OOEP: variants seen among roughly 807,000 people sequenced by gnomAD.
OOEP encodes oocyte expressed protein, also known as oocyte-expressed protein homolog.
OOEP carries 16 observed loss-of-function variants against 13.7 expected under a neutral mutation model. The ratio of observed to expected loss-of-function variants is 1.16; its 90% confidence interval spans 0.79 to 1.77. The LOEUF (loss-of-function observed/expected upper bound fraction) is 1.77, where lower values mean the gene tolerates loss of function less well. OOEP is among the 40% of genes most tolerant of loss of function. The probability of loss-of-function intolerance (pLI) is 0.00; values close to 1 mark genes in which losing one functional copy is unlikely to be tolerated. For missense variants in OOEP, 195 were observed against 193.1 expected, an observed-to-expected ratio of 1.01 and a Z score of -0.06; for synonymous variants, 89 against 77.1, an observed-to-expected ratio of 1.15 and a Z score of -0.81.
chr6:73,372,834 C>G (rs1254759097), upstream of OOEP, among the ~76,000 whole-genome samples: 2 of 151,812 alleles, frequency 1.3e-5, no homozygotes, highest in African/African-American at 2.4e-5. Context: ...AATGGGAAAG[C>G]GGCCAGAGCA....
In OOEP at chr6:73,369,208, C is replaced by T. The variant is rs1329987850; in HGVS notation, c.368G>A (p.Arg123Gln). 3 of 1,608,762 alleles carry T rather than the reference C, an allele frequency of 1.9e-6. No individual in the cohort carries two copies. In the South Asian group the frequency reaches 3.3e-5, roughly 18 times the overall value. Reference sequence around the variant, plus strand: ...TGCAGGTTCTCAAAGACCCTCACCTCGGGCACGATGTTCTCGGTGAAACCA... The same window carrying T: ...TGCAGGTTCTCAAAGACCCTCACCTTGGGCACGATGTTCTCGGTGAAACCA... ...LAWFHREHRA[R>Q]AEKMKHLEKN... is the part of the protein sequence containing the mutation. Residue 123 changes from arginine to glutamine, a missense_variant and splice_region_variant, in exon 2 of 3, where the codon CGA becomes CAA. Coordinates refer to ENST00000370359, the MANE Select transcript of OOEP (RefSeq NM_001080507.3).
chr6:73,369,411 G>C, intron 1 of OOEP, 26 bp from the exon 2 acceptor site: 2 of 1,595,188 alleles, frequency 1.3e-6, no homozygotes, highest in Non-Finnish European at 1.7e-6. Flanking sequence ...AAAACTCTGA[G>C]GGGCTGCACG....
intron 2 of OOEP, among the ~76,000 whole-genome samples, chr6:73,375,985 T>C (rs992412973): frequency 6.6e-6 from 1 of 152,024 alleles, no homozygotes; most frequent in African/African-American, 2.4e-5. Context: ...GGTTTTACCA[T>C]GTTGGCCAGG....
At chr6:73,384,701 G>A (rs1769246641) in intron 2 of OOEP, among the ~76,000 whole-genome samples, 1 of 151,500 alleles carries the variant, frequency 6.6e-6, no homozygotes, top group Non-Finnish European at 1.5e-5. Context: ...TGATCAGCCT[G>A]CCTCAACCTC....
intron 2 of OOEP, among the ~76,000 whole-genome samples, chr6:73,384,141 C>A (rs1000230221): frequency 4.6e-5 from 7 of 151,598 alleles, no homozygotes; most frequent in Non-Finnish European, 7.4e-5. Context: ...GAATGGAGGA[C>A]CAGATATAAA....
At chr6:73,370,781 T>C (rs1769036930), upstream of OOEP, among the ~76,000 whole-genome samples, 1 of 152,202 alleles carries the variant, frequency 6.6e-6, no homozygotes, top group South Asian at 2.1e-4. Context: ...ATGTGTTTGT[T>C]TTAAAACTTC....
upstream of OOEP, among the ~76,000 whole-genome samples, chr6:73,372,205 G>C (rs1769068599): frequency 6.6e-6 from 1 of 152,152 alleles, no homozygotes; most frequent in Non-Finnish European, 1.5e-5. Flanking sequence ...AATTTTAACA[G>C]CTTCTTTAGG....
chr6:73,378,518 A>C (rs1488046338), intron 2 of OOEP, among the ~76,000 whole-genome samples: 2 of 152,134 alleles, frequency 1.3e-5, no homozygotes. Flanking sequence ...ACTGTACTCC[A>C]GCCAAGGTGA....
upstream of OOEP, chr6:73,373,253 T>C: frequency 2.5e-6 from 4 of 1,611,102 alleles, no homozygotes; most frequent in Non-Finnish European, 3.4e-6. Context: ...GAAAGTCTTG[T>C]GAGAAGACAT....
At chr6:73,382,431 T>C (rs1031687626) in intron 2 of OOEP, among the ~76,000 whole-genome samples, 1 of 151,682 alleles carries the variant, frequency 6.6e-6, no homozygotes, top group Non-Finnish European at 1.5e-5. Flanking sequence ...TTGGCCAGGC[T>C]GGTCTCGAAC....
rs764416998 is a variant in OOEP at position 73,369,592 on chromosome 6, G to A, written c.190+11C>T. 9.9e-6 allele frequency: 16 copies of A among 1,611,892 alleles called. No individual in the cohort carries two copies. The highest frequency in any genetic ancestry group is 1.7e-4 in the Middle Eastern group (1 of 6,024). ...GGTGGACAGCCCACTAGCACACCTG[G>A]GGTCGCTCACCAAAGAGCTCGTCTG... On this transcript the variant is annotated intron_variant, in intron 1 of 2. Coordinates refer to ENST00000370359, the MANE Select transcript of OOEP (RefSeq NM_001080507.3).
rs2150778150 is a variant in OOEP, at chr6:73,369,344, G to A, written c.232C>T (p.Gln78Ter). 6.2e-7 allele frequency: 1 copy of A among 1,613,742 alleles called. No individual in the cohort carries two copies. Among genetic ancestry groups the A allele is most frequent in the Non-Finnish European group, 8.5e-7 (1 of 1,179,798 alleles). ...ACTATGTCCACTGTCAGCAGGGCCT[G>A]GCTCGTCCACTCCATTTCTGGAATT... Reference protein sequence around the residue: ...AIIPEMEWTSQALLTVDIVDS... With the variant: ...AIIPEMEWTS Residue 78 changes from glutamine to a stop codon, truncating the protein, a stop_gained, in exon 2 of 3, where the codon CAG (glutamine) becomes TAG (stop). Transcript: ENST00000370359. LOFTEE classifies it high-confidence loss of function.
intron 2 of OOEP, among the ~76,000 whole-genome samples, chr6:73,381,836 C>T (rs112879232): frequency 4.6e-5 from 7 of 151,992 alleles, no homozygotes; most frequent in African/African-American, 1.2e-4. Context: ...AAAAATTAGC[C>T]GGGAGTGGTG....
At chr6:73,387,672 A>G (rs1769292554) in intron 2 of OOEP, 2 of 149,580 alleles carry the variant, frequency 1.3e-5, no homozygotes, top group African/African-American at 4.9e-5. Context: ...GCTCACTGCA[A>G]CCTCCACCTC....
intron 2 of OOEP, 105 bp from the exon 3 acceptor site, chr6:73,368,968 T>C: frequency 1.1e-6 from 1 of 940,588 alleles, no homozygotes; most frequent in South Asian, 1.4e-5. Flanking sequence ...TCTGCGATAG[T>C]GCTGTAACCC....
intron 2 of OOEP, among the ~76,000 whole-genome samples, chr6:73,385,104 T>C (rs539269338): frequency 7.1e-4 from 107 of 150,328 alleles, no homozygotes; most frequent in African/African-American, 2.4e-3. Flanking sequence ...CCCAGCACTT[T>C]GGGAGGCCAA....
chr6:73,374,265 T>G (rs1417134854), upstream of OOEP, among the ~76,000 whole-genome samples: 1 of 151,840 alleles, frequency 6.6e-6, no homozygotes, highest in Non-Finnish European at 1.5e-5. Context: ...GTACCTGGAG[T>G]CTATGAAAGT....
At chr6:73,382,850 C>CTTTTTTT (rs765716551) in intron 2 of OOEP, among the ~76,000 whole-genome samples, 5 of 102,264 alleles carry the variant, frequency 4.9e-5, no homozygotes, top group Admixed American at 1.2e-4. Flanking sequence ...TGGTTTTTAA[C>CTTTTTTT]TTTTTTTTTT....
rs756564108 is a variant in OOEP, at chr6:73,369,226, T to G, written c.350A>C (p.His117Pro). 4.3e-6 allele frequency: 7 copies of G among 1,612,468 alleles called. No homozygotes were observed. The highest frequency in any genetic ancestry group is 5.1e-6 in the Non-Finnish European group (6 of 1,179,352). ...CTCACCTCGGGCACGATGTTCTCGG[T>G]GAAACCATGCCAGGCACAGGAGCAT... ...KSMLLCLAWF[H>P]REHRARAEKM... is the part of the protein sequence containing the mutation. Residue 117 changes from histidine to proline, a missense_variant, in exon 2 of 3, where the codon CAC becomes CCC. His to Pro is a moderately conservative substitution (Grantham distance 77). Coordinates refer to ENST00000370359, the MANE Select transcript of OOEP (RefSeq NM_001080507.3).
Sources: gnomAD v4.1 joint callset for allele counts (sites outside exome capture counted in the v4.1 genomes callset) on GRCh38, gnomAD v4.1.1 for gene constraint, MANE v1.5 for transcripts, NCBI Gene and HGNC (gene_info 2026-07-23, HGNC 2026-07-21) for gene names.